Variants in ERBB4 observed in about 807,000 individuals in gnomAD.
ERBB4 encodes the protein receptor tyrosine-protein kinase erbB-4.
In ERBB4, 42 loss-of-function variants were observed where a neutral mutation model predicts 158.0. The ratio of observed to expected loss-of-function variants is 0.27; its 90% CI spans 0.21 to 0.34. ERBB4 has a LOEUF of 0.34. Among genes scored for constraint, ERBB4 ranks in the 10% least tolerant of loss-of-function variants. ERBB4 has a pLI of 1.00. For synonymous variants in ERBB4, 583 were observed against 558.7 expected, an observed-to-expected ratio of 1.04 and a Z score of -0.61; for missense variants, 1,333 against 1,624.1, an observed-to-expected ratio of 0.82 and a Z score of 3.08.
chr2:212,370,927 A>G (rs1411558484), intron 1 of ERBB4, among the ~76,000 whole-genome samples: 1 of 152,194 alleles, frequency 6.6e-6, no homozygotes, highest in Non-Finnish European at 1.5e-5. Flanking sequence ...TACTCAATAT[A>G]TCTAGTACCT....
At chr2:212,198,071 G>A (rs1449609696) in intron 1 of ERBB4, among the ~76,000 whole-genome samples, 3 of 152,114 alleles carry the variant, frequency 2.0e-5, no homozygotes, top group Non-Finnish European at 4.4e-5. Context: ...GTATAGAAAA[G>A]AATGCTCATA....
intron 1 of ERBB4, among the ~76,000 whole-genome samples, chr2:212,466,689 A>G (rs1213854259): frequency 2.0e-5 from 3 of 152,306 alleles, no homozygotes; most frequent in Middle Eastern, 6.8e-3. Context: ...TGTCTTTATC[A>G]GCAGGTGAAA....
intron 3 of ERBB4, among the ~76,000 whole-genome samples, chr2:211,802,833 G>A (rs913140572): frequency 6.6e-6 from 1 of 152,194 alleles, no homozygotes; most frequent in Non-Finnish European, 1.5e-5. Context: ...GAGTGAATAG[G>A]AGGAGAGGAG....
At chr2:212,071,829 A>T (rs529186855) in intron 2 of ERBB4, among the ~76,000 whole-genome samples, 7 of 152,092 alleles carry the variant, frequency 4.6e-5, no homozygotes, top group African/African-American at 1.7e-4. Context: ...CTACTTCTCT[A>T]GTCTAGGCAA....
At chr2:211,871,350 A>G (rs2078340193) in intron 3 of ERBB4, among the ~76,000 whole-genome samples, 1 of 152,120 alleles carries the variant, frequency 6.6e-6, no homozygotes, top group Non-Finnish European at 1.5e-5. Context: ...ATAAATAAAT[A>G]CAATTTTGTG....
At chr2:211,811,512 G>T (rs1230594957) in intron 3 of ERBB4, among the ~76,000 whole-genome samples, 1 of 151,968 alleles carries the variant, frequency 6.6e-6, no homozygotes, top group Non-Finnish European at 1.5e-5. Context: ...TCTTCTCGAG[G>T]AGTATCTTTG....
At chr2:212,439,703 G>T (rs551953686) in intron 1 of ERBB4, among the ~76,000 whole-genome samples, 1 of 152,070 alleles carries the variant, frequency 6.6e-6, no homozygotes, top group South Asian at 2.1e-4. Context: ...GAAAGTTTTT[G>T]GTTTAATAAA....
intron 1 of ERBB4, among the ~76,000 whole-genome samples, chr2:212,386,797 C>T (rs572763507): frequency 3.9e-5 from 6 of 152,074 alleles, no homozygotes; most frequent in African/African-American, 1.4e-4. Context: ...AATGTGTTTC[C>T]TTGTTTCCAT....
intron 1 of ERBB4, among the ~76,000 whole-genome samples, chr2:212,472,944 T>C: frequency 6.6e-6 from 1 of 151,914 alleles, no homozygotes; most frequent in South Asian, 2.1e-4. Context: ...AAGTGATTCC[T>C]ATCCCCCAAA....
intron 19 of ERBB4, among the ~76,000 whole-genome samples, chr2:211,593,831 C>G (rs1050299088): frequency 6.6e-6 from 1 of 152,174 alleles, no homozygotes. Context: ...GAGATTTCTT[C>G]AGCTGCAAAG....
chr2:212,003,112 A>AGAAAGAAGGAAG (rs2076147924), intron 2 of ERBB4, among the ~76,000 whole-genome samples: 1 of 48,146 alleles, frequency 2.1e-5, no homozygotes, highest in African/African-American at 6.8e-5. Flanking sequence ...AAAGAAAGAA[A>AGAAAGAAGGAAG]GAAGGAAGGA....
At chr2:212,469,490 T>C (rs961235554) in intron 1 of ERBB4, among the ~76,000 whole-genome samples, 2 of 152,174 alleles carry the variant, frequency 1.3e-5, no homozygotes, top group African/African-American at 4.8e-5. Context: ...TTGAATGTCA[T>C]TGCTAGTTCA....
At chr2:212,306,936 A>G (rs2086832867) in intron 1 of ERBB4, among the ~76,000 whole-genome samples, 1 of 151,402 alleles carries the variant, frequency 6.6e-6, no homozygotes, top group Admixed American at 6.6e-5. Context: ...GGCATTTTTA[A>G]TTGACTAAAA....
intron 3 of ERBB4, among the ~76,000 whole-genome samples, chr2:211,862,373 AT>A (rs1237447600): frequency 1.6e-4 from 24 of 152,192 alleles, no homozygotes; most frequent in African/African-American, 5.8e-4. Context: ...TTTACACTAT[AT>A]TTTTAATTCA....
chr2:212,244,472 G>T (rs1375120671), intron 1 of ERBB4, among the ~76,000 whole-genome samples: 1 of 152,278 alleles, frequency 6.6e-6, no homozygotes, highest in Non-Finnish European at 1.5e-5. Flanking sequence ...ATGTTAAAAA[G>T]TTGGGGAATG....
chr2:211,416,416 A>G (rs2063393397), intron 25 of ERBB4, among the ~76,000 whole-genome samples: 1 of 152,226 alleles, frequency 6.6e-6, no homozygotes, highest in African/African-American at 2.4e-5. Context: ...ATATCTAGAG[A>G]AAAGAAGGCC....
chr2:211,615,185 T>C (rs2069339051), intron 19 of ERBB4, among the ~76,000 whole-genome samples: 1 of 152,014 alleles, frequency 6.6e-6, no homozygotes, highest in Admixed American at 6.6e-5. Flanking sequence ...GTTACTAGGT[T>C]TAAATACTGG....
At chr2:211,483,077 A>AT (rs2065124688) in intron 20 of ERBB4, among the ~76,000 whole-genome samples, 1 of 152,120 alleles carries the variant, frequency 6.6e-6, no homozygotes, top group African/African-American at 2.4e-5. Context: ...AAACACAGGG[A>AT]TAAAAAGCCT....
intron 3 of ERBB4, among the ~76,000 whole-genome samples, chr2:211,877,369 G>T (rs2078532083): frequency 6.6e-6 from 1 of 152,088 alleles, no homozygotes; most frequent in South Asian, 2.1e-4. Context: ...ACTTGAGAAA[G>T]AAATATATTT....
Sources: allele counts gnomAD v4.1 joint callset (sites outside exome capture counted in the v4.1 genomes callset), GRCh38; gene constraint gnomAD v4.1.1; transcripts MANE v1.5; gene names NCBI Gene and HGNC (gene_info 2026-07-23, HGNC 2026-07-21).